The following APCDD1L variants were observed in gnomAD, a reference collection of about 807,000 sequenced individuals.
The protein encoded by APCDD1L is protein APCDD1-like.
APCDD1L carries 21 observed loss-of-function variants against 24.2 expected under a neutral mutation model. That is an observed-to-expected ratio of 0.87 (90% CI 0.61 to 1.25). APCDD1L has a LOEUF of 1.25. Ranked by LOEUF, APCDD1L falls within the 50% of genes most tolerant of loss-of-function variation. APCDD1L has a pLI of 0.00. For synonymous variants in APCDD1L, 321 were observed against 323.6 expected, an observed-to-expected ratio of 0.99 and a Z score of 0.09; for missense variants, 704 against 711.7, an observed-to-expected ratio of 0.99 and a Z score of 0.12.
rs1257349822 is a variant in APCDD1L at position 58,460,288 on chromosome 20, C to T, written c.*502G>A. Reference sequence around the variant, plus strand: ...TTAATTCATGGCACCACTTAGAGATCGTATTGCTAAATTCGAATTAATAAT... The same window carrying T: ...TTAATTCATGGCACCACTTAGAGATTGTATTGCTAAATTCGAATTAATAAT... On this transcript the variant is annotated 3_prime_UTR_variant, in exon 4 of 4. Coordinates refer to ENST00000371149, the MANE Select transcript of APCDD1L (RefSeq NM_153360.3). This position sits in a 1 kb window ranked among gnomAD's most constrained non-coding sequence, Gnocchi z 4.2. The T allele has an allele frequency of 6.5e-6, 1 of 152,752 alleles. No homozygotes were observed. The highest frequency in any genetic ancestry group is 1.5e-5 in the Non-Finnish European group (1 of 68,426). The allele number at this position is 152,752 out of a possible 1,614,324, so 9.5% of individuals were successfully genotyped here.
chr20:58,469,222 T>C (rs1989769160), intron 2 of APCDD1L, among the ~76,000 whole-genome samples: 1 of 152,136 alleles, frequency 6.6e-6, no homozygotes, highest in South Asian at 2.1e-4. Context: ...TATATCTCAA[T>C]AAAGCTGTAA....
chr20:58,467,216 C>T lies in APCDD1L; in HGVS notation c.631G>A (p.Ala211Thr), dbSNP rs990609510. ...VQRRLQPQPRASPRLVEELYL... is the reference protein window; with the variant it reads ...VQRRLQPQPRTSPRLVEELYL... ...AGCTCCTCCACCAGCCGGGGCGACG[C>T]CCGGGGCTGCGGCTGCAGGCGGCGC... Residue 211 changes from alanine to threonine, a missense_variant, in exon 3 of 4, where the codon GCG becomes ACG. Ala to Thr is a moderately conservative substitution (Grantham distance 58). Transcript: ENST00000371149. The surrounding 1 kb of genome is among the most constrained non-coding windows in gnomAD (Gnocchi z 5.9). 6.2e-7 allele frequency: 1 copy of T among 1,601,932 alleles called. No homozygotes were observed. Among genetic ancestry groups the T allele is most frequent in the Non-Finnish European group, 8.5e-7 (1 of 1,178,332 alleles).
chr20:58,514,397 C>T (rs1990696233), intron 1 of APCDD1L, among the ~76,000 whole-genome samples: 1 of 152,214 alleles, frequency 6.6e-6, no homozygotes. Flanking sequence ...TACCTACAGG[C>T]CAGGCCCCGA....
chr20:58,461,491 C>A lies in APCDD1L; in HGVS notation c.805G>T (p.Val269Leu). 6.8e-7 allele frequency: 1 copy of A among 1,465,464 alleles called. No homozygotes were observed. Among genetic ancestry groups the A allele is most frequent in the Non-Finnish European group, 9.0e-7 (1 of 1,105,564 alleles). The allele number at this position is 1,465,464 out of a possible 1,614,324, so 90.8% of individuals were successfully genotyped here. A position where few individuals can be genotyped will look rare whatever the true frequency, so the allele number is the denominator to read the frequency against. ...IARSDVHHPP[V>L]LPPPLALPLH... ...GGCAGGGCCAGAGGGGGCGGCAGCA[C>A]GGGCGGGTGGTGCACATCGGAGCGG... Residue 269 changes from valine to leucine, a missense_variant, in exon 4 of 4, where the codon GTG (valine) becomes TTG (leucine). Transcript: ENST00000371149. The surrounding 1 kb of genome is among the most constrained non-coding windows in gnomAD (Gnocchi z 6.0).
At position 58,461,002 on chromosome 20, in the gene APCDD1L, G is replaced by A; in HGVS notation, c.1294C>T (p.Pro432Ser). 4 of 1,614,108 alleles carry A rather than the reference G, an allele frequency of 2.5e-6. No individual in the cohort carries two copies. Among genetic ancestry groups the A allele is most frequent in the Non-Finnish European group, 3.4e-6 (4 of 1,180,018 alleles). The change falls in exon 4 of 4, where the codon CCC becomes TCC. Residue 432 changes from proline (P) to serine (S), a missense_variant. Pro to Ser is a moderately conservative substitution (Grantham distance 74, BLOSUM62 -1). Coordinates refer to ENST00000371149, the MANE Select transcript of APCDD1L (RefSeq NM_153360.3). This position sits in a 1 kb window ranked among gnomAD's most constrained non-coding sequence, Gnocchi z 6.0. Reference sequence around the variant, plus strand: ...GTATCGGGACTTGAGCCATCGGTGGGCCTTTGTCCGATGAAGAGCAGGCTT... The same window carrying A: ...GTATCGGGACTTGAGCCATCGGTGGACCTTTGTCCGATGAAGAGCAGGCTT... ...GQSLLFIGQR[P>S]TDGSSPDTPE... is the part of the protein sequence containing the mutation.
rs1989604018 is a variant in APCDD1L, at chr20:58,461,414, TGCTG to T, written c.878_881del (p.Pro293GlnfsTer67). 6.5e-7 allele frequency: 1 copy of T among 1,540,902 alleles called. No homozygotes were observed. On this transcript the variant is annotated frameshift_variant, in exon 4 of 4. Coordinates refer to ENST00000371149, the MANE Select transcript of APCDD1L (RefSeq NM_153360.3). LOFTEE classifies it low-confidence loss of function (END_TRUNC). The surrounding 1 kb of genome is among the most constrained non-coding windows in gnomAD (Gnocchi z 6.0). ...TGAAGAGCCGGGTGAGGAACAGGAC[TGCTG>T]GGCGCACCTCGCACCCCGAGCTGAC...
chr20:58,476,735 G>A (rs1385955439), intron 1 of APCDD1L, among the ~76,000 whole-genome samples: 1 of 152,170 alleles, frequency 6.6e-6, no homozygotes, highest in East Asian at 1.9e-4. Context: ...TAGCCTCGAA[G>A]CCCTTTGAAA....
intron 1 of APCDD1L, among the ~76,000 whole-genome samples, chr20:58,499,768 C>T (rs1318227345): frequency 1.3e-5 from 2 of 152,216 alleles, no homozygotes; most frequent in East Asian, 1.9e-4. Context: ...GTGCCAAACA[C>T]CCCACCCATC....
chr20:58,484,518 C>A (rs4812006), intron 1 of APCDD1L, among the ~76,000 whole-genome samples: 1 of 152,056 alleles, frequency 6.6e-6, no homozygotes, highest in Non-Finnish European at 1.5e-5. Context: ...ATCCAATTAT[C>A]ATTTTTATAA....
At chr20:58,487,899 C>T (rs372628626) in intron 1 of APCDD1L, among the ~76,000 whole-genome samples, 7 of 152,308 alleles carry the variant, frequency 4.6e-5, no homozygotes, top group African/African-American at 1.7e-4. Context: ...TCAGTAATGA[C>T]ACCAAAGCTT....
rs1990293133 is a variant in APCDD1L, at chr20:58,494,963, C to T, written c.49+19696G>A. Among the ~76,000 whole-genome samples the T allele has an allele frequency of 6.6e-6, 1 of 152,180 alleles. No individual in the cohort carries two copies. The highest frequency in any genetic ancestry group is 6.5e-5 in the Admixed American group (1 of 15,286). On this transcript the variant is annotated intron_variant, in intron 1 of 3. Coordinates refer to ENST00000371149, the MANE Select transcript of APCDD1L (RefSeq NM_153360.3). This position sits in a 1 kb window ranked among gnomAD's most constrained non-coding sequence, Gnocchi z 4.8. Reference sequence around the variant, plus strand: ...CGTCTCCTCTTCAGTGAGAACACCCCCATGACCTTGTCTCAAGGTGGGCCC... The same window carrying T: ...CGTCTCCTCTTCAGTGAGAACACCCTCATGACCTTGTCTCAAGGTGGGCCC...
intron 1 of APCDD1L, among the ~76,000 whole-genome samples, chr20:58,493,489 C>G (rs958464777): frequency 1.3e-5 from 2 of 152,206 alleles, no homozygotes; most frequent in Non-Finnish European, 2.9e-5. Context: ...TAACTTGCAG[C>G]TTCCTCACAC....
rs866213253 is a variant in APCDD1L at position 58,461,943 on chromosome 20, C to T, written c.742-389G>A. ...CTTCCTCATTCCACCCCCTGAGACT[C>T]TCCTCTCTCTACCCCTCACCCCTCA... On this transcript the variant is annotated intron_variant, in intron 3 of 3. Coordinates refer to ENST00000371149, the MANE Select transcript of APCDD1L (RefSeq NM_153360.3). This position sits in a 1 kb window ranked among gnomAD's most constrained non-coding sequence, Gnocchi z 6.0. The T allele has an allele frequency of 3.5e-5, 7 of 197,364 alleles. No individual in the cohort carries two copies. The highest frequency in any genetic ancestry group is 1.6e-4 in the African/African-American group (7 of 43,186). The allele number at this position is 197,364 out of a possible 1,614,324, so 12.2% of individuals were successfully genotyped here. A position where few individuals can be genotyped will look rare whatever the true frequency, so the allele number is the denominator to read the frequency against.
intron 1 of APCDD1L, among the ~76,000 whole-genome samples, chr20:58,506,313 C>G (rs557670471): frequency 6.6e-6 from 1 of 152,334 alleles, no homozygotes; most frequent in South Asian, 2.1e-4. Context: ...TTCTCTCCAG[C>G]CAAGCTCCTG....
In APCDD1L at chr20:58,467,398, T is replaced by A. The variant is rs1251964079; in HGVS notation, c.449A>T (p.Asn150Ile). 6.5e-7 allele frequency: 1 copy of A among 1,531,762 alleles called. No individual in the cohort carries two copies. Among genetic ancestry groups the A allele is most frequent in the East Asian group, 2.5e-5 (1 of 39,262 alleles). The allele number at this position is 1,531,762 out of a possible 1,614,324, so 94.9% of individuals were successfully genotyped here. A position where few individuals can be genotyped will look rare whatever the true frequency, so the allele number is the denominator to read the frequency against. The change falls in exon 3 of 4, where the codon AAC becomes ATC. Residue 150 changes from asparagine to isoleucine, a missense_variant. Transcript: ENST00000371149. This position sits in a 1 kb window ranked among gnomAD's most constrained non-coding sequence, Gnocchi z 5.9. The stretch of plus-strand genomic sequence containing the variant: ...GCAGTCCCGGCCGGCGCGGGTCTGG[T>A]TGAGGCGCCCGGTGACGTCGACCAG... ...RALVDVTGRL[N>I]QTRAGRDCAR...
rs1210104358 is a variant in APCDD1L, at chr20:58,487,265, C to T, written c.50-16518G>A. On this transcript the variant is annotated intron_variant, in intron 1 of 3. Coordinates refer to ENST00000371149, the MANE Select transcript of APCDD1L (RefSeq NM_153360.3). ...ATGATTAGGTTACTGTTCTAAATTTCTTGCATTAATCAGGAGAATAATTAA... is the reference window on the plus strand; with the variant it reads ...ATGATTAGGTTACTGTTCTAAATTTTTTGCATTAATCAGGAGAATAATTAA... Among the ~76,000 whole-genome samples the T allele has an allele frequency of 2.6e-5, 4 of 151,904 alleles. No individual in the cohort carries two copies. The East Asian group carries it at 7.7e-4, about 29-fold the overall frequency.
In APCDD1L at chr20:58,460,700, G is replaced by A; in HGVS notation, c.*90C>T. The A allele has an allele frequency of 7.1e-7, 1 of 1,410,040 alleles. No individual in the cohort carries two copies. The highest frequency in any genetic ancestry group is 9.4e-7 in the Non-Finnish European group (1 of 1,059,058). 87.3% of individuals were successfully genotyped at this position (1,410,040 alleles called of 1,614,324 possible). A position where few individuals can be genotyped will look rare whatever the true frequency, so the allele number is the denominator to read the frequency against. On this transcript the variant is annotated 3_prime_UTR_variant, in exon 4 of 4. Coordinates refer to ENST00000371149, the MANE Select transcript of APCDD1L (RefSeq NM_153360.3). This position sits in a 1 kb window ranked among gnomAD's most constrained non-coding sequence, Gnocchi z 4.2. ...GTGCATCCATCCATGACAGAGCAGA[G>A]GAGAATGGTTCCTTCCCTACAGCTG... is the stretch of plus-strand genomic sequence containing the variant.
At chr20:58,502,987 ACT>A (rs1216675487) in intron 1 of APCDD1L, among the ~76,000 whole-genome samples, 1 of 151,920 alleles carries the variant, frequency 6.6e-6, no homozygotes, top group African/African-American at 2.4e-5. Context: ...AGTGGACGTG[ACT>A]CTTTTTATGG....
intron 1 of APCDD1L, among the ~76,000 whole-genome samples, chr20:58,501,983 A>C (rs985884125): frequency 2.0e-5 from 3 of 152,178 alleles, no homozygotes; most frequent in Non-Finnish European, 2.9e-5. Context: ...AATGTGGCCT[A>C]CTTGGAGAAG....
Sources: allele counts gnomAD v4.1 joint callset (sites outside exome capture counted in the v4.1 genomes callset), GRCh38; gene constraint gnomAD v4.1.1; non-coding constraint Gnocchi (gnomAD v3.1); transcripts MANE v1.5; gene names NCBI Gene and HGNC (gene_info 2026-07-23, HGNC 2026-07-21).